Variants in ZC4H2 observed in about 807,000 individuals in gnomAD.
The protein encoded by ZC4H2 is zinc finger C4H2 domain-containing protein.
For synonymous variants in ZC4H2, 84 were observed against 66.3 expected (o/e 1.27, Z -1.30); for missense variants, 137 against 173.9 (o/e 0.79, Z 1.19).
intron 1 of ZC4H2, among the ~76,000 whole-genome samples, chrX:65,024,739 C>T (rs772707108): frequency 2.1e-4 from 24 of 111,748 alleles, no homozygotes; most frequent in Non-Finnish European, 3.2e-4. Flanking sequence ...ATGTCTTTTT[C>T]GCAACATGAA....
chrX:65,005,834 A>G (rs1362041737), intron 1 of ZC4H2, among the ~76,000 whole-genome samples: 2 of 110,898 alleles, frequency 1.8e-5, no homozygotes, highest in South Asian at 7.7e-4. Context: ...AATATACAGA[A>G]TCTACAAGGA....
chrX:65,020,681 C>G (rs1004167078), intron 1 of ZC4H2, among the ~76,000 whole-genome samples: 1 of 111,400 alleles, frequency 9.0e-6, no homozygotes, highest in African/African-American at 3.3e-5. Flanking sequence ...TCAAAGATAA[C>G]AATATTAACC....
chrX:64,941,165 G>T (rs951615762), intron 1 of ZC4H2, among the ~76,000 whole-genome samples: 4 of 111,612 alleles, frequency 3.6e-5, no homozygotes, highest in Non-Finnish European at 7.5e-5. Context: ...AATTGTGAAT[G>T]GGAGTTCACT....
intron 1 of ZC4H2, among the ~76,000 whole-genome samples, chrX:65,025,568 G>C (rs1396965541): frequency 9.0e-6 from 1 of 111,134 alleles, no homozygotes; most frequent in Admixed American, 9.6e-5. Flanking sequence ...TGAGAGAGTG[G>C]GATTAGGGAA....
At chrX:64,963,887 T>C (rs986995448) in intron 1 of ZC4H2, among the ~76,000 whole-genome samples, 13 of 111,636 alleles carry the variant, frequency 1.2e-4, no homozygotes, top group Non-Finnish European at 2.3e-4. Context: ...AAGGAAGTCC[T>C]ACAATATGAG....
intron 1 of ZC4H2, among the ~76,000 whole-genome samples, chrX:64,947,816 C>G (rs1451440251): frequency 1.8e-5 from 2 of 110,533 alleles, no homozygotes; most frequent in South Asian, 7.7e-4. Context: ...GTTTCTGTAC[C>G]TCACTTCCAA....
At chrX:65,006,979 G>C (rs1178816022) in intron 1 of ZC4H2, among the ~76,000 whole-genome samples, 1 of 111,796 alleles carries the variant, frequency 8.9e-6, no homozygotes, top group African/African-American at 3.3e-5. Context: ...TAGTTGTTTA[G>C]TATTAGTAAA....
chrX:64,993,134 C>CT (rs1009363835), intron 1 of ZC4H2, among the ~76,000 whole-genome samples: 2 of 112,338 alleles, frequency 1.8e-5, no homozygotes, highest in Non-Finnish European at 3.8e-5. Context: ...ACAACAAATA[C>CT]TTTTTTTGTA....
chrX:64,970,858 G>C (rs1052289250), intron 1 of ZC4H2, among the ~76,000 whole-genome samples: 1 of 111,871 alleles, frequency 8.9e-6, no homozygotes, highest in Non-Finnish European at 1.9e-5. Context: ...AGCAGTAGCA[G>C]ATAAGGTCAG....
At chrX:64,999,056 T>TG (rs1932479892) in intron 1 of ZC4H2, among the ~76,000 whole-genome samples, 1 of 98,101 alleles carries the variant, frequency 1.0e-5, no homozygotes, top group Admixed American at 1.1e-4. Flanking sequence ...TTTTTTTTTT[T>TG]TTTTTTTTTT....
intron 1 of ZC4H2, among the ~76,000 whole-genome samples, chrX:65,028,138 A>G (rs994824667): frequency 5.4e-5 from 6 of 111,446 alleles, no homozygotes; most frequent in African/African-American, 1.6e-4. Context: ...ATATATATTG[A>G]TATCTATCTA....
intron 1 of ZC4H2, among the ~76,000 whole-genome samples, chrX:64,945,155 G>A (rs186116922): frequency 8.9e-6 from 1 of 112,668 alleles, no homozygotes; most frequent in African/African-American, 3.2e-5. Flanking sequence ...TAGGAGAGGT[G>A]GCATTGTAGC....
intron 1 of ZC4H2, among the ~76,000 whole-genome samples, chrX:64,953,001 C>T (rs1242579642): frequency 2.7e-5 from 3 of 111,401 alleles, no homozygotes; most frequent in African/African-American, 6.5e-5. Flanking sequence ...AGAACAGAAC[C>T]CTCAGAAATA....
intron 1 of ZC4H2, among the ~76,000 whole-genome samples, chrX:64,969,341 C>T (rs576376811): frequency 8.9e-6 from 1 of 111,863 alleles, no homozygotes; most frequent in African/African-American, 3.3e-5. Flanking sequence ...ACAAACTTGG[C>T]AGGCTCATCT....
chrX:64,979,084 T>C (rs1205367791), upstream of ZC4H2, among the ~76,000 whole-genome samples: 3 of 111,815 alleles, frequency 2.7e-5, no homozygotes, highest in Admixed American at 2.8e-4. Flanking sequence ...CTTTCAAGCC[T>C]CACCGAAATC....
chrX:65,023,578 A>G (rs1351864055), intron 1 of ZC4H2, among the ~76,000 whole-genome samples: 1 of 112,030 alleles, frequency 8.9e-6, no homozygotes, highest in East Asian at 2.8e-4. Flanking sequence ...TGCCAGTTAG[A>G]ATGGTGATGA....
Position 65,024,094 on chromosome X carries a change from C to T in ZC4H2, c.-272+10535G>A, listed in dbSNP as rs12689038. ...ACACAGTGAGGGAAACAGTACACAC[C>T]GGGGCCTATCGGCGGGTGGGGGGGC... is the stretch of plus-strand genomic sequence containing the variant. On this transcript the variant is annotated intron_variant, in intron 1 of 4. Coordinates refer to the ZC4H2 transcript ENST00000337990. Among the ~76,000 whole-genome samples the T allele has an allele frequency of 5.9e-3, 627 of 105,900 alleles. 15 individuals carry two copies. The East Asian group carries it at 0.12, about 21-fold the overall frequency. 92.0% of individuals were successfully genotyped at this position (105,900 alleles called of 115,157 possible).
At chrX:64,969,523 T>C (rs1439277972) in intron 1 of ZC4H2, among the ~76,000 whole-genome samples, 1 of 111,992 alleles carries the variant, frequency 8.9e-6, no homozygotes, top group Non-Finnish European at 1.9e-5. Flanking sequence ...TGATGAGAAG[T>C]GGACAATTCC....
chrX:64,946,207 C>A (rs911369168), intron 1 of ZC4H2, among the ~76,000 whole-genome samples: 9 of 111,795 alleles, frequency 8.1e-5, no homozygotes. Context: ...CAAACAGCCA[C>A]CCAGTTTTGT....
Sources: allele counts gnomAD v4.1 joint callset (sites outside exome capture counted in the v4.1 genomes callset), GRCh38; gene constraint gnomAD v4.1.1; transcripts MANE v1.5; gene names NCBI Gene and HGNC (gene_info 2026-07-23, HGNC 2026-07-21).